Variants in MTREX observed in about 807,000 individuals in gnomAD.
MTREX encodes the protein exosome RNA helicase MTR4.
A neutral mutation model predicts 135.4 loss-of-function variants in MTREX; 76 were observed. That is an observed-to-expected ratio of 0.56 (90% confidence interval 0.47 to 0.68). The LOEUF (loss-of-function observed/expected upper bound fraction) is 0.68, where lower values mean the gene tolerates loss of function less well. Ranked by LOEUF, MTREX falls within the 30% of genes least tolerant of loss-of-function variation. MTREX has a pLI of 0.00. For missense variants in MTREX, 920 were observed against 1,262.1 expected, an observed-to-expected ratio of 0.73 and a Z score of 4.11; for synonymous variants, 404 against 401.6, an observed-to-expected ratio of 1.01 and a Z score of -0.07.
chr5:55,342,751 A>G (rs916340335), intron 7 of MTREX, among the ~76,000 whole-genome samples: 1 of 152,218 alleles, frequency 6.6e-6, no homozygotes, highest in African/African-American at 2.4e-5. Context: ...CACCCTTTCC[A>G]AATTTATAAA....
chr5:55,311,950 G>T (rs1749119945), intron 1 of MTREX, among the ~76,000 whole-genome samples: 1 of 151,944 alleles, frequency 6.6e-6, no homozygotes, highest in Non-Finnish European at 1.5e-5. Flanking sequence ...CTGATCTAGT[G>T]GCTTGATTAG....
chr5:55,410,910 C>T (rs1190639762), intron 23 of MTREX, among the ~76,000 whole-genome samples: 3 of 152,028 alleles, frequency 2.0e-5, no homozygotes, highest in African/African-American at 7.2e-5. Context: ...TTGGCCAAGT[C>T]CTAGACAGTC....
chr5:55,313,098 CTTTTTGGATT>C (rs1276870763), intron 1 of MTREX, among the ~76,000 whole-genome samples: 1 of 151,924 alleles, frequency 6.6e-6, no homozygotes, highest in Non-Finnish European at 1.5e-5. Flanking sequence ...TTTTATTTAA[CTTTTTGGATT>C]TTTATAAATG....
chr5:55,374,232 G>A (rs1750255534), intron 16 of MTREX, among the ~76,000 whole-genome samples: 2 of 150,940 alleles, frequency 1.3e-5, no homozygotes. Flanking sequence ...ACTCTAACCT[G>A]GGCAACGGAG....
Position 55,418,212 on chromosome 5 carries a change from T to C in MTREX, c.2971+2080T>C, listed in dbSNP as rs571443690. ...TTGTGCCACTGCACTCCAGCCTGGGTGACAGAGCGAGACACCATCTCAAAA... is the reference window on the plus strand; with the variant it reads ...TTGTGCCACTGCACTCCAGCCTGGGCGACAGAGCGAGACACCATCTCAAAA... On this transcript the variant is annotated intron_variant, in intron 25 of 26. Coordinates refer to ENST00000230640, the MANE Select transcript of MTREX (RefSeq NM_015360.5). Among the ~76,000 whole-genome samples the C allele has an allele frequency of 6.4e-3, 866 of 134,834 alleles. 5 individuals carry two copies. Among genetic ancestry groups the C allele is most frequent in the Admixed American group, 6.6e-3 (80 of 12,052 alleles). The allele number at this position is 134,834 out of a possible 152,430, so 88.5% of individuals were successfully genotyped here. A position where few individuals can be genotyped will look rare whatever the true frequency, so the allele number is the denominator to read the frequency against.
chr5:55,336,513 T>A (rs1486539579), intron 5 of MTREX, among the ~76,000 whole-genome samples: 1 of 152,232 alleles, frequency 6.6e-6, no homozygotes, highest in African/African-American at 2.4e-5. Context: ...TTTTATTCTC[T>A]TAGTGTACTA....
intron 23 of MTREX, among the ~76,000 whole-genome samples, chr5:55,412,465 C>G (rs559561237): frequency 6.6e-6 from 1 of 152,318 alleles, no homozygotes; most frequent in Non-Finnish European, 1.5e-5. Context: ...GAAATGTTTG[C>G]TTTCCTGATA....
At chr5:55,418,084 A>C (rs559501082) in intron 25 of MTREX, among the ~76,000 whole-genome samples, 46 of 151,784 alleles carry the variant, frequency 3.0e-4, no homozygotes, top group African/African-American at 1.1e-3. Context: ...AATACAAAAA[A>C]TTAGCTGGGT....
At chr5:55,344,438 T>C in intron 8 of MTREX, 84 bp from the exon 9 acceptor site, 1 of 852,000 alleles carries the variant, frequency 1.2e-6, no homozygotes, top group Non-Finnish European at 1.9e-6. Flanking sequence ...TACTTGATTT[T>C]CTTAAGATCT....
At chr5:55,308,565 T>C (rs1749024397) in intron 1 of MTREX, among the ~76,000 whole-genome samples, 1 of 152,112 alleles carries the variant, frequency 6.6e-6, no homozygotes, top group African/African-American at 2.4e-5. Context: ...GGAGAGACAT[T>C]TAATCTCCAA....
intron 18 of MTREX, among the ~76,000 whole-genome samples, chr5:55,380,186 C>T (rs537691750): frequency 4.5e-4 from 69 of 151,854 alleles, no homozygotes; most frequent in Admixed American, 7.2e-4. Flanking sequence ...GTGATCTGCC[C>T]GCCTCGGCCT....
At chr5:55,366,685 T>C in intron 15 of MTREX, 40 bp from the exon 16 acceptor site, 1 of 1,469,664 alleles carries the variant, frequency 6.8e-7, no homozygotes. Flanking sequence ...TGTAAATTTA[T>C]TTGGAAAACT....
chr5:55,328,044 G>GA (rs1455497985), intron 4 of MTREX, among the ~76,000 whole-genome samples: 2 of 151,980 alleles, frequency 1.3e-5, no homozygotes, highest in East Asian at 1.9e-4. Context: ...CCTTTCTCCA[G>GA]AAAAAAATAC....
intron 15 of MTREX, among the ~76,000 whole-genome samples, chr5:55,363,757 G>T (rs1452287934): frequency 6.6e-6 from 1 of 152,084 alleles, no homozygotes; most frequent in Non-Finnish European, 1.5e-5. Flanking sequence ...GCTCCTATTT[G>T]TTTAGTCTTG....
At chr5:55,313,239 C>G (rs181093927) in intron 1 of MTREX, among the ~76,000 whole-genome samples, 272 of 150,514 alleles carry the variant, frequency 1.8e-3, no homozygotes, top group Middle Eastern at 0.01. Flanking sequence ...GAGTTCGGGA[C>G]CAGCTTGGGC....
chr5:55,328,262 A>G (rs1749415311), intron 4 of MTREX, among the ~76,000 whole-genome samples: 1 of 152,170 alleles, frequency 6.6e-6, no homozygotes. Flanking sequence ...TAATAGATGT[A>G]ATATTCTGCC....
At chr5:55,362,877 T>C (rs1750040298) in intron 15 of MTREX, among the ~76,000 whole-genome samples, 1 of 152,226 alleles carries the variant, frequency 6.6e-6, no homozygotes, top group Non-Finnish European at 1.5e-5. Context: ...TGCTCCAATA[T>C]AGTGCCCATA....
chr5:55,324,259 T>C (rs982825788), intron 3 of MTREX, 61 bp downstream of exon 3: 256 of 1,182,554 alleles, frequency 2.2e-4, no homozygotes, highest in Non-Finnish European at 2.9e-4. Flanking sequence ...TTGGACTATC[T>C]AGTATGATGA....
intron 5 of MTREX, among the ~76,000 whole-genome samples, chr5:55,336,512 C>G (rs969021308): frequency 6.6e-6 from 1 of 152,148 alleles, no homozygotes; most frequent in African/African-American, 2.4e-5. Flanking sequence ...TTTTTATTCT[C>G]TTAGTGTACT....
Sources: gnomAD v4.1 joint callset for allele counts (sites outside exome capture counted in the v4.1 genomes callset) on GRCh38, gnomAD v4.1.1 for gene constraint, MANE v1.5 for transcripts, NCBI Gene and HGNC (gene_info 2026-07-23, HGNC 2026-07-21) for gene names.